The following NRG3 variants were observed in gnomAD, a reference collection of about 807,000 sequenced individuals.
NRG3 encodes neuregulin 3.
Under a neutral mutation model 66.9 loss-of-function variants are expected in NRG3, and 31 were observed. The observed-to-expected ratio is 0.46, with a 90% CI of 0.35 to 0.63. The LOEUF (loss-of-function observed/expected upper bound fraction) is 0.63, where lower values mean the gene tolerates loss of function less well. Among genes scored for constraint, NRG3 ranks in the 20% least tolerant of loss-of-function variants. The probability of loss-of-function intolerance (pLI) is 0.00; values close to 1 mark genes in which losing one functional copy is unlikely to be tolerated. For missense variants in NRG3, 910 were observed against 878.9 expected, an observed-to-expected ratio of 1.04 and a Z score of -0.45; for synonymous variants, 393 against 359.4, an observed-to-expected ratio of 1.09 and a Z score of -1.06.
At chr10:82,171,855 G>T (rs602687) in intron 1 of NRG3, among the ~76,000 whole-genome samples, 16,516 of 152,160 alleles carry the variant, frequency 0.11, 1,434 homozygotes, top group African/African-American at 0.23. Flanking sequence ...GAAGTGTCAT[G>T]ACAACACTGC....
At chr10:82,493,000 G>A (rs58758057) in intron 2 of NRG3, among the ~76,000 whole-genome samples, 3,510 of 152,226 alleles carry the variant, frequency 0.023, 114 homozygotes, top group African/African-American at 0.075. Flanking sequence ...TGGATTAGTT[G>A]GGTATCCCTG....
In NRG3 at chr10:82,985,271, G is replaced by T. The variant is rs750092236; in HGVS notation, c.1757G>T (p.Cys586Phe). The T allele has an allele frequency of 6.2e-7, 1 of 1,614,048 alleles. No homozygotes were observed. Among genetic ancestry groups the T allele is most frequent in the Non-Finnish European group, 8.5e-7 (1 of 1,180,014 alleles). ...CCTTCAGTGGGTTTAGAGGAAACCT[G>T]CCTGCAAATGCCAGGGATTTCTGAA... ...IIPSVGLEET[C>F]LQMPGISEVK... is the part of the protein sequence containing the mutation. The change falls in exon 9 of 9, where the codon TGC (cysteine) becomes TTC (phenylalanine). Residue 586 changes from cysteine to phenylalanine, a missense_variant. Physicochemically the swap from Cys to Phe is radical, Grantham distance 205. Transcript: ENST00000372141.
chr10:81,880,112 ATCAATTAT>A (rs1374529731), intron 1 of NRG3, among the ~76,000 whole-genome samples: 1 of 152,144 alleles, frequency 6.6e-6, no homozygotes, highest in East Asian at 1.9e-4. Context: ...TTCTGCTTTA[ATCAATTAT>A]GCTGTACAAT....
intron 1 of NRG3, among the ~76,000 whole-genome samples, chr10:82,337,060 A>G (rs1348929521): frequency 2.0e-5 from 3 of 152,186 alleles, no homozygotes; most frequent in Non-Finnish European, 4.4e-5. Context: ...TATTTGCAGA[A>G]TCTTAACTAC....
chr10:81,899,761 C>T (rs1369072900), intron 1 of NRG3, among the ~76,000 whole-genome samples: 4 of 151,330 alleles, frequency 2.6e-5, no homozygotes, highest in Non-Finnish European at 5.9e-5. Flanking sequence ...GGCTGTCCAC[C>T]TTTAGGCATC....
chr10:82,517,581 T>A, intron 2 of NRG3, among the ~76,000 whole-genome samples: 1 of 152,092 alleles, frequency 6.6e-6, no homozygotes, highest in East Asian at 1.9e-4. Context: ...TCATTATGTG[T>A]TTTCAATCAC....
intron 2 of NRG3, among the ~76,000 whole-genome samples, chr10:82,630,020 A>G (rs1270531740): frequency 6.6e-6 from 1 of 152,176 alleles, no homozygotes; most frequent in Admixed American, 6.5e-5. Flanking sequence ...CCCATGGACC[A>G]GGAGCCAGGA....
chr10:82,933,976 G>A (rs986525204), intron 4 of NRG3, among the ~76,000 whole-genome samples: 1 of 152,242 alleles, frequency 6.6e-6, no homozygotes. Context: ...GTAAATGGGG[G>A]TCTGGGCTCT....
intron 1 of NRG3, among the ~76,000 whole-genome samples, chr10:81,982,934 A>G (rs1170198630): frequency 1.3e-5 from 2 of 152,218 alleles, no homozygotes; most frequent in Non-Finnish European, 1.5e-5. Context: ...AGGAAGAAGC[A>G]TAGCTTTAGC....
chr10:82,560,578 G>T (rs1485457452), intron 2 of NRG3, among the ~76,000 whole-genome samples: 2 of 150,634 alleles, frequency 1.3e-5, no homozygotes, highest in African/African-American at 2.4e-5. Flanking sequence ...GATTTATTAT[G>T]ATATTTTCAG....
intron 1 of NRG3, among the ~76,000 whole-genome samples, chr10:82,350,029 T>A (rs1430358005): frequency 6.6e-6 from 1 of 152,172 alleles, no homozygotes; most frequent in African/African-American, 2.4e-5. Context: ...GTCTTCTGCG[T>A]CGCTCACGCT....
At chr10:82,088,308 A>G (rs1326186897) in intron 1 of NRG3, among the ~76,000 whole-genome samples, 9 of 152,094 alleles carry the variant, frequency 5.9e-5, no homozygotes, top group Non-Finnish European at 2.9e-5. Context: ...CACTAAGAGT[A>G]CTACTCAATA....
intron 2 of NRG3, among the ~76,000 whole-genome samples, chr10:82,549,398 G>T (rs1238794912): frequency 1.3e-5 from 2 of 152,138 alleles, no homozygotes; most frequent in Non-Finnish European, 2.9e-5. Context: ...CAATGGGTGA[G>T]ACACGAAATG....
chr10:81,905,657 G>A (rs1036817040), intron 1 of NRG3, among the ~76,000 whole-genome samples: 2 of 152,152 alleles, frequency 1.3e-5, no homozygotes, highest in African/African-American at 4.8e-5. Context: ...GGAAGTTAAG[G>A]CCGTTTCCTA....
intron 6 of NRG3, among the ~76,000 whole-genome samples, chr10:82,966,853 G>T (rs1746874692): frequency 6.6e-6 from 1 of 151,654 alleles, no homozygotes; most frequent in Admixed American, 6.6e-5. Context: ...TCTGGCTTTG[G>T]CCATTGATAG....
chr10:81,998,023 T>C (rs944497871), intron 1 of NRG3, among the ~76,000 whole-genome samples: 1 of 152,160 alleles, frequency 6.6e-6, no homozygotes, highest in Non-Finnish European at 1.5e-5. Context: ...TGATAATGTG[T>C]AGCCTCTACT....
At chr10:82,956,533 A>C in intron 5 of NRG3, among the ~76,000 whole-genome samples, 1 of 152,008 alleles carries the variant, frequency 6.6e-6, no homozygotes, top group East Asian at 1.9e-4. Flanking sequence ...ACTAAAGGTA[A>C]GCAAATTATA....
At chr10:82,803,947 A>C (rs948476276) in intron 3 of NRG3, among the ~76,000 whole-genome samples, 1 of 152,146 alleles carries the variant, frequency 6.6e-6, no homozygotes, top group Non-Finnish European at 1.5e-5. Flanking sequence ...ATAAGTTTTA[A>C]ATTGTGTACT....
chr10:82,921,658 A>C (rs977427234), intron 4 of NRG3, among the ~76,000 whole-genome samples: 1 of 152,204 alleles, frequency 6.6e-6, no homozygotes, highest in African/African-American at 2.4e-5. Context: ...TATTTATTTC[A>C]TCAGTTTACT....
Sources: allele counts gnomAD v4.1 joint callset (sites outside exome capture counted in the v4.1 genomes callset), GRCh38; gene constraint gnomAD v4.1.1; transcripts MANE v1.5; gene names NCBI Gene and HGNC (gene_info 2026-07-23, HGNC 2026-07-21).